Variants in TP53BP2 observed in about 807,000 individuals in gnomAD.
The protein encoded by TP53BP2 is tumor protein p53 binding protein 2, also known as apoptosis-stimulating of p53 protein 2.
In TP53BP2, 62 loss-of-function variants were observed where a neutral mutation model predicts 126.2. That is an observed-to-expected ratio of 0.49 (90% confidence interval 0.40 to 0.61). TP53BP2 has a LOEUF of 0.61. Among genes scored for constraint, TP53BP2 ranks in the 20% least tolerant of loss-of-function variants. The pLI, the probability that TP53BP2 is intolerant of heterozygous loss-of-function variation, is 0.00. For synonymous variants in TP53BP2, 485 were observed against 502.9 expected (o/e 0.96, Z 0.48); for missense variants, 1,215 against 1,402.8 (o/e 0.87, Z 2.14).
intron 13 of TP53BP2, among the ~76,000 whole-genome samples, chr1:223,794,062 A>G (rs899035587): frequency 2.0e-5 from 3 of 152,210 alleles, no homozygotes; most frequent in Admixed American, 2.0e-4. Flanking sequence ...CTCGGGGGAA[A>G]GCATATAATT....
Position 223,803,319 on chromosome 1 carries a change from G to A in TP53BP2, c.783C>T (p.Asp261=), listed in dbSNP as rs755935834. 36 of 1,613,442 alleles carry A rather than the reference G, an allele frequency of 2.2e-5. No homozygotes were observed. The highest frequency in any genetic ancestry group is 1.7e-4 in the Middle Eastern group (1 of 5,790). The stretch of plus-strand genomic sequence containing the variant: ...CAAGCTCAGCCACTGCAGACTGATT[G>A]TCATGGTGGCTGTCGATCCTGCCGT... ...LKNGRIDSHH[D]NQSAVAELDR... is the part of the protein sequence containing the mutation. The change falls in exon 7 of 18, where the codon GAC becomes GAT. Residue 261 remains aspartate, a synonymous_variant. Transcript: ENST00000343537.
intron 14 of TP53BP2, among the ~76,000 whole-genome samples, chr1:223,793,084 T>C (rs1037732729): frequency 2.0e-5 from 3 of 152,128 alleles, no homozygotes; most frequent in East Asian, 1.9e-4. Context: ...TAAAACAGCA[T>C]AGCCTATTCT....
At chr1:223,818,557 G>A (rs1448781858) in intron 2 of TP53BP2, among the ~76,000 whole-genome samples, 2 of 150,312 alleles carry the variant, frequency 1.3e-5, no homozygotes, top group African/African-American at 2.4e-5. Flanking sequence ...AACACATATC[G>A]GTGTTATCAT....
chr1:223,823,796 C>CCCT (rs1663398456), intron 1 of TP53BP2, among the ~76,000 whole-genome samples: 1 of 152,202 alleles, frequency 6.6e-6, no homozygotes, highest in Non-Finnish European at 1.5e-5. Flanking sequence ...ATTAAATACT[C>CCCT]CCTCTCCATA....
rs1260258599 is a variant in TP53BP2 at position 223,798,290 on chromosome 1, G to A, written c.1873C>T (p.Pro625Ser). The change falls in exon 12 of 18, where the codon CCA becomes TCA. Residue 625 changes from proline (P) to serine (S), a missense_variant. Coordinates refer to ENST00000343537, the MANE Select transcript of TP53BP2 (RefSeq NM_001031685.3). ...IYSMYTQQQA[P>S]GKNFQQAVQS... ...ACAGCCTGCTGGAAGTTTTTTCCTG[G>A]CGCCTGCTGTTGCGTATACATGGAA... 1.2e-6 allele frequency: 2 copies of A among 1,614,020 alleles called. No individual in the cohort carries two copies. The highest frequency in any genetic ancestry group is 1.3e-5 in the African/African-American group (1 of 74,904).
At chr1:223,820,635 G>T (rs1202446016) in intron 2 of TP53BP2, among the ~76,000 whole-genome samples, 1 of 152,148 alleles carries the variant, frequency 6.6e-6, no homozygotes, top group Non-Finnish European at 1.5e-5. Context: ...ATCCCCAGAG[G>T]TGAAAAAGGA....
intron 2 of TP53BP2, among the ~76,000 whole-genome samples, chr1:223,816,350 C>T (rs1051723772): frequency 1.3e-5 from 2 of 151,966 alleles, no homozygotes; most frequent in Non-Finnish European, 2.9e-5. Flanking sequence ...AGAAGAAAGG[C>T]TAAACACTTA....
intron 10 of TP53BP2, 48 bp from the exon 11 acceptor site, chr1:223,800,095 T>C: frequency 1.3e-6 from 2 of 1,524,854 alleles, no homozygotes; most frequent in Non-Finnish European, 1.8e-6. Context: ...TAGAATAAAG[T>C]ATCTCATTCA....
At position 223,804,228 on chromosome 1, in the gene TP53BP2, C is replaced by CT. The variant is rs1367948348; in HGVS notation, c.594dup (p.Val199SerfsTer5). On this transcript the variant is annotated frameshift_variant, in exon 6 of 18. Transcript: ENST00000343537. LOFTEE classifies it high-confidence loss of function. The stretch of plus-strand genomic sequence containing the variant: ...TCCACGTGGCCTTTAAGTGCTCTCA[C>CT]TTTTTTTAGCTTAGCTTCCTGATTC... 1.9e-5 allele frequency: 31 copies of CT among 1,614,016 alleles called. No homozygotes were observed. The highest frequency in any genetic ancestry group is 2.5e-5 in the Non-Finnish European group (30 of 1,180,012).
chr1:223,788,322 T>C (rs2102834327), intron 16 of TP53BP2, among the ~76,000 whole-genome samples: 1 of 152,332 alleles, frequency 6.6e-6, no homozygotes, highest in Non-Finnish European at 1.5e-5. Flanking sequence ...ACCTCCTCAT[T>C]TGTCTCTGTC....
intron 1 of TP53BP2, among the ~76,000 whole-genome samples, chr1:223,831,474 AAAAAAAATATATATATATAT>A (rs1558109316): frequency 4.2e-5 from 3 of 72,198 alleles, no homozygotes; most frequent in East Asian, 3.9e-4. Context: ...TCTAAAAAAA[AAAAAAAATATATATATATAT>A]ATATATATAT....
intron 14 of TP53BP2, 125 bp downstream of exon 14, chr1:223,793,178 T>G: frequency 1.0e-5 from 8 of 768,984 alleles, no homozygotes; most frequent in Non-Finnish European, 3.7e-6. Context: ...CTACAGTCGC[T>G]TTCTAATTAG....
At chr1:223,835,075 C>T (rs191855800) in intron 1 of TP53BP2, among the ~76,000 whole-genome samples, 150 of 152,256 alleles carry the variant, frequency 9.9e-4, no homozygotes, top group African/African-American at 3.5e-3. Context: ...GAAACTGTGA[C>T]GCAGGGATTC....
chr1:223,840,477 T>C (rs1449401019), intron 1 of TP53BP2, among the ~76,000 whole-genome samples: 2 of 152,242 alleles, frequency 1.3e-5, no homozygotes, highest in African/African-American at 4.8e-5. Flanking sequence ...CCTGTTCTTC[T>C]TATTCTGTGA....
intron 9 of TP53BP2, 75 bp from the exon 10 acceptor site, chr1:223,800,885 T>G: frequency 3.8e-6 from 4 of 1,049,364 alleles, no homozygotes; most frequent in Non-Finnish European, 5.6e-6. Context: ...TGCTAAGACT[T>G]TTAATCTCTA....
chr1:223,844,616 CA>C, intron 1 of TP53BP2, among the ~76,000 whole-genome samples: 1 of 152,204 alleles, frequency 6.6e-6, no homozygotes, highest in Middle Eastern at 3.4e-3. Context: ...CAAAATATCC[CA>C]AACCCTCTAA....
intron 1 of TP53BP2, among the ~76,000 whole-genome samples, chr1:223,822,768 C>T (rs957076940): frequency 2.6e-5 from 4 of 151,492 alleles, no homozygotes; most frequent in Non-Finnish European, 5.9e-5. Context: ...AAATTTTTCA[C>T]ACCTATTAAA....
intron 10 of TP53BP2, 57 bp from the exon 11 acceptor site, chr1:223,800,104 C>G: frequency 2.0e-6 from 3 of 1,502,862 alleles, no homozygotes; most frequent in Non-Finnish European, 1.8e-6. Flanking sequence ...GTATCTCATT[C>G]ACTCGTAAGT....
chr1:223,785,887 G>C (rs976084732), intron 16 of TP53BP2, among the ~76,000 whole-genome samples: 3 of 151,986 alleles, frequency 2.0e-5, no homozygotes, highest in Non-Finnish European at 4.4e-5. Context: ...GGAGTAAAAG[G>C]AACCCTCTGC....
Sources: gnomAD v4.1 joint callset for allele counts (sites outside exome capture counted in the v4.1 genomes callset) on GRCh38, gnomAD v4.1.1 for gene constraint, MANE v1.5 for transcripts, NCBI Gene and HGNC (gene_info 2026-07-23, HGNC 2026-07-21) for gene names.